Variants in SRFBP1 observed in about 807,000 individuals in gnomAD.
SRFBP1 encodes the protein serum response factor binding protein 1.
A neutral mutation model predicts 45.5 loss-of-function variants in SRFBP1; 47 were observed. The ratio of observed to expected loss-of-function variants is 1.03; its 90% confidence interval spans 0.82 to 1.32. The LOEUF (loss-of-function observed/expected upper bound fraction) is 1.32. Ranked by LOEUF, SRFBP1 falls within the 40% of genes most tolerant of loss-of-function variation. The pLI is 0.00. For missense variants in SRFBP1, 621 were observed against 484.6 expected (o/e 1.28, Z -2.64); for synonymous variants, 203 against 166.3 (o/e 1.22, Z -1.70).
intron 2 of SRFBP1, among the ~76,000 whole-genome samples, chr5:122,068,353 C>T (rs2913396): frequency 1.3e-5 from 2 of 152,198 alleles, no homozygotes; most frequent in East Asian, 3.9e-4. Flanking sequence ...CAACAGACCT[C>T]TCCAGACCTA....
intron 2 of SRFBP1, chr5:122,069,902 A>T (rs1442798046): frequency 2.8e-6 from 2 of 711,328 alleles, no homozygotes; most frequent in African/African-American, 3.5e-5. Context: ...ATTTAAAAAA[A>T]TAAAATCAGA....
At chr5:121,973,055 C>T (rs569782324) in intron 1 of SRFBP1, among the ~76,000 whole-genome samples, 1 of 151,610 alleles carries the variant, frequency 6.6e-6, no homozygotes, top group Non-Finnish European at 1.5e-5. Context: ...ATGGAAGAGC[C>T]TTAAAGAAAC....
intron 3 of SRFBP1, among the ~76,000 whole-genome samples, chr5:121,980,419 ACTATGTGAATATCCT>A (rs766383218): frequency 6.6e-6 from 1 of 152,136 alleles, no homozygotes; most frequent in Non-Finnish European, 1.5e-5. Flanking sequence ...ATACTGTGAG[ACTATGTGAATATCCT>A]GTAGTCTTTC....
exon 3 of SRFBP1, chr5:122,075,429 A>C: frequency 6.2e-7 from 1 of 1,613,546 alleles, no homozygotes; most frequent in South Asian, 1.1e-5. Context: ...CATTCCCAGG[A>C]ATATCTTGGT....
intron 3 of SRFBP1, among the ~76,000 whole-genome samples, chr5:121,984,264 G>C (rs1251783084): frequency 6.6e-6 from 1 of 151,656 alleles, no homozygotes; most frequent in Non-Finnish European, 1.5e-5. Context: ...CTAGTAATTT[G>C]GTTATATTTT....
At chr5:121,990,004 A>T (rs76701297) in intron 3 of SRFBP1, among the ~76,000 whole-genome samples, 14,258 of 151,942 alleles carry the variant, frequency 0.094, 1,178 homozygotes, top group African/African-American at 0.22. Context: ...TACTGATTTT[A>T]TTTTTCCTCT....
chr5:122,001,546 CTTTTTTT>C (rs1166482651), intron 4 of SRFBP1, among the ~76,000 whole-genome samples: 2 of 104,888 alleles, frequency 1.9e-5, no homozygotes, highest in African/African-American at 7.5e-5. Context: ...CCTTTGGTAT[CTTTTTTT>C]TTTTTTTTTT....
chr5:122,013,238 C>CT (rs1753130871), intron 4 of SRFBP1, among the ~76,000 whole-genome samples: 1 of 152,124 alleles, frequency 6.6e-6, no homozygotes, highest in African/African-American at 2.4e-5. Context: ...ATTCTTAACT[C>CT]TAACATTTTT....
intron 3 of SRFBP1, among the ~76,000 whole-genome samples, chr5:121,990,962 A>G (rs544622574): frequency 3.9e-5 from 6 of 152,284 alleles, no homozygotes; most frequent in South Asian, 2.1e-4. Context: ...TTTGTCTTTC[A>G]GAGTTTGCTA....
chr5:121,961,976 C>T lies in SRFBP1; in HGVS notation c.-57C>T, dbSNP rs1751950117. ...GTTGAGGGGCGTGGCGACGCAGCCG[C>T]GGTCTGAGAGACCGGTTCACGTGCA... On this transcript the variant is annotated 5_prime_UTR_variant, in exon 1 of 8. Coordinates refer to ENST00000339397, the MANE Select transcript of SRFBP1 (RefSeq NM_152546.3). 1.2e-6 allele frequency: 2 copies of T among 1,611,272 alleles called. No individual in the cohort carries two copies. The highest frequency in any genetic ancestry group is 1.1e-5 in the South Asian group (1 of 91,022).
intron 2 of SRFBP1, chr5:122,063,295 C>A (rs1282774918): frequency 6.6e-6 from 1 of 151,748 alleles, no homozygotes; most frequent in Non-Finnish European, 1.5e-5. Flanking sequence ...GAACATAAAG[C>A]CAATGTCTGA....
Position 121,991,546 on chromosome 5 carries a change from A to G in SRFBP1, c.199-3053A>G, listed in dbSNP as rs374492256. Among the ~76,000 whole-genome samples the G allele has an allele frequency of 6.6e-5, 10 of 152,310 alleles. No individual in the cohort carries two copies. The East Asian group carries it at 1.5e-3, about 23-fold the overall frequency. On this transcript the variant is annotated intron_variant, in intron 3 of 7. Coordinates refer to ENST00000339397, the MANE Select transcript of SRFBP1 (RefSeq NM_152546.3). Reference sequence around the variant, plus strand: ...TAGGAACACTAATATTTAAGGTGCTATCTGTGCAATTGTAATAGTACATCA... The same window carrying G: ...TAGGAACACTAATATTTAAGGTGCTGTCTGTGCAATTGTAATAGTACATCA...
chr5:121,975,450 G>C (rs1752285390), intron 3 of SRFBP1, 63 bp downstream of exon 3: 4 of 1,575,094 alleles, frequency 2.5e-6, no homozygotes. Context: ...CCTGCATTTT[G>C]TTTGTGTGTG....
intron 4 of SRFBP1, among the ~76,000 whole-genome samples, chr5:122,007,298 G>A (rs1384603102): frequency 2.0e-5 from 3 of 152,046 alleles, no homozygotes; most frequent in African/African-American, 4.8e-5. Flanking sequence ...GCCTGGCACT[G>A]GTGAATGCTG....
intron 6 of SRFBP1, 52 bp from the exon 7 acceptor site, chr5:122,022,318 A>G: frequency 4.7e-6 from 7 of 1,492,030 alleles, no homozygotes; most frequent in Non-Finnish European, 6.5e-6. Flanking sequence ...TTTTTTCTTA[A>G]GATCAGAGGA....
intron 2 of SRFBP1, chr5:122,070,611 A>C: frequency 1.5e-6 from 2 of 1,327,864 alleles, no homozygotes; most frequent in Non-Finnish European, 2.1e-6. Flanking sequence ...AAAATAAAAA[A>C]TTTAAAATTA....
intron 4 of SRFBP1, among the ~76,000 whole-genome samples, chr5:122,015,309 T>TA (rs1467242245): frequency 6.6e-6 from 1 of 152,220 alleles, no homozygotes; most frequent in Non-Finnish European, 1.5e-5. Context: ...GAAGCACACT[T>TA]ACTGCTATAA....
chr5:121,994,697 C>T, intron 4 of SRFBP1, 27 bp downstream of exon 4: 1 of 1,446,190 alleles, frequency 6.9e-7, no homozygotes, highest in South Asian at 1.3e-5. Context: ...TTATATTTGT[C>T]TTATGAAAAG....
At chr5:121,978,985 AT>A (rs1231129644) in intron 3 of SRFBP1, among the ~76,000 whole-genome samples, 1 of 152,148 alleles carries the variant, frequency 6.6e-6, no homozygotes, top group African/African-American at 2.4e-5. Flanking sequence ...GAAATCTATT[AT>A]TAAAATCATC....
Sources: gnomAD v4.1 joint callset for allele counts (sites outside exome capture counted in the v4.1 genomes callset) on GRCh38, gnomAD v4.1.1 for gene constraint, MANE v1.5 for transcripts, NCBI Gene and HGNC (gene_info 2026-07-23, HGNC 2026-07-21) for gene names.